The following CFDP1 variants were observed in gnomAD, a reference collection of about 807,000 sequenced individuals.
CFDP1 encodes the protein chromatin remodeling protein CFDP1, also known as heterochromatin-stabilizing protein CFDP1.
Under a neutral mutation model 40.1 loss-of-function variants are expected in CFDP1, and 31 were observed. That is an observed-to-expected ratio of 0.77 (90% CI 0.58 to 1.04). The LOEUF is 1.04. CFDP1 is among the 50% of genes least tolerant of loss of function. The pLI is 0.00. For missense variants in CFDP1, 423 were observed against 343.4 expected, an observed-to-expected ratio of 1.23 and a Z score of -1.83; for synonymous variants, 167 against 120.0, an observed-to-expected ratio of 1.39 and a Z score of -2.56.
At chr16:75,379,327 A>T (rs1282035103) in intron 5 of CFDP1, among the ~76,000 whole-genome samples, 1 of 136,390 alleles carries the variant, frequency 7.3e-6, no homozygotes, top group Non-Finnish European at 1.6e-5. Flanking sequence ...ACGTCTAGCA[A>T]GACTGACCAA....
intron 4 of CFDP1, among the ~76,000 whole-genome samples, chr16:75,404,782 A>T (rs943531926): frequency 1.4e-4 from 21 of 152,318 alleles, no homozygotes; most frequent in Admixed American, 1.4e-3. Flanking sequence ...AGGAGTTTAA[A>T]AAGACCAAAT....
chr16:75,309,351 G>C (rs1279320995), intron 5 of CFDP1, among the ~76,000 whole-genome samples: 1 of 151,362 alleles, frequency 6.6e-6, no homozygotes, highest in Non-Finnish European at 1.5e-5. Flanking sequence ...CTGGGCAGGG[G>C]GCGCTGACCC....
intron 5 of CFDP1, chr16:75,391,238 A>G (rs534883207): frequency 3.5e-4 from 53 of 152,382 alleles, no homozygotes; most frequent in African/African-American, 1.3e-3. Context: ...AACTAGAAGT[A>G]AAAACTGTGT....
chr16:75,371,236 G>A (rs544312730), intron 5 of CFDP1, among the ~76,000 whole-genome samples: 1 of 152,264 alleles, frequency 6.6e-6, no homozygotes, highest in South Asian at 2.1e-4. Flanking sequence ...CCCCTGCCTT[G>A]CCCAGGTTAT....
intron 5 of CFDP1, among the ~76,000 whole-genome samples, chr16:75,319,284 C>G (rs2078346230): frequency 6.6e-6 from 1 of 152,080 alleles, no homozygotes; most frequent in East Asian, 1.9e-4. Context: ...CCTTATAATC[C>G]ACCTACCTCG....
At chr16:75,306,189 A>T (rs961244753) in intron 5 of CFDP1, among the ~76,000 whole-genome samples, 2 of 152,240 alleles carry the variant, frequency 1.3e-5, no homozygotes, top group African/African-American at 4.8e-5. Flanking sequence ...TCTACTGATA[A>T]TAATACCTTT....
intron 5 of CFDP1, among the ~76,000 whole-genome samples, chr16:75,371,488 T>C (rs1255033117): frequency 2.0e-5 from 3 of 152,246 alleles, no homozygotes; most frequent in Non-Finnish European, 4.4e-5. Flanking sequence ...AAAGTTCTTA[T>C]ATATTCAAAT....
At chr16:75,327,326 A>T (rs1194015904) in intron 5 of CFDP1, among the ~76,000 whole-genome samples, 3 of 152,122 alleles carry the variant, frequency 2.0e-5, no homozygotes, top group Non-Finnish European at 2.9e-5. Context: ...GAATCCAAGA[A>T]ACAGAGTTCC....
rs777489391 is a variant in CFDP1, at chr16:75,302,105, ATTAG to A, written c.809+2915_809+2918del. Among the ~76,000 whole-genome samples, 10 of 152,322 alleles carry A rather than the reference ATTAG, an allele frequency of 6.6e-5. No homozygotes were observed. In the East Asian group the frequency reaches 1.7e-3, roughly 26 times the overall value. Reference sequence around the variant, plus strand: ...AAAGCAGAGCATAAAGGAGGATGGTATTAGTTAGTTGTTCCCTAACCCAGTTATG... The same window carrying A: ...AAAGCAGAGCATAAAGGAGGATGGTATTAGTTGTTCCCTAACCCAGTTATG... On this transcript the variant is annotated intron_variant, in intron 6 of 6. Coordinates refer to ENST00000283882, the MANE Select transcript of CFDP1 (RefSeq NM_006324.3).
intron 5 of CFDP1, among the ~76,000 whole-genome samples, chr16:75,313,328 TGA>T (rs2078306403): frequency 1.3e-5 from 2 of 152,264 alleles, no homozygotes; most frequent in East Asian, 1.9e-4. Flanking sequence ...GGTAGGCATG[TGA>T]GAGTTTTTTT....
chr16:75,357,467 C>T (rs1213388692), intron 5 of CFDP1, among the ~76,000 whole-genome samples: 1 of 152,044 alleles, frequency 6.6e-6, no homozygotes, highest in African/African-American at 2.4e-5. Context: ...ATTGGCCAGG[C>T]TGGTCTCGAA....
At chr16:75,391,725 G>A in intron 5 of CFDP1, among the ~76,000 whole-genome samples, 1 of 152,202 alleles carries the variant, frequency 6.6e-6, no homozygotes, top group East Asian at 1.9e-4. Context: ...TGTAATGCCA[G>A]CACTTTGGGA....
intron 5 of CFDP1, among the ~76,000 whole-genome samples, chr16:75,363,271 C>CAA (rs34693612): frequency 2.2e-5 from 3 of 138,402 alleles, no homozygotes; most frequent in East Asian, 2.1e-4. Flanking sequence ...GTCTGAGCAC[C>CAA]AAAAAAAAAA....
chr16:75,296,548 A>T (rs1039842415), intron 6 of CFDP1, among the ~76,000 whole-genome samples: 3 of 152,172 alleles, frequency 2.0e-5, no homozygotes, highest in Non-Finnish European at 4.4e-5. Flanking sequence ...CTTTCCTGTA[A>T]ATAAGAAGTG....
chr16:75,384,132 G>T (rs534105899), intron 5 of CFDP1, among the ~76,000 whole-genome samples: 1 of 152,238 alleles, frequency 6.6e-6, no homozygotes, highest in African/African-American at 2.4e-5. Context: ...TGAGGCTGAG[G>T]TGGGCAGATC....
chr16:75,362,546 C>A (rs2078686755), intron 5 of CFDP1, among the ~76,000 whole-genome samples: 1 of 152,184 alleles, frequency 6.6e-6, no homozygotes, highest in African/African-American at 2.4e-5. Flanking sequence ...AAAATATGCT[C>A]ACCATGGCTC....
chr16:75,370,578 T>C (rs950783792), intron 5 of CFDP1, among the ~76,000 whole-genome samples: 2 of 151,904 alleles, frequency 1.3e-5, no homozygotes, highest in Admixed American at 1.3e-4. Context: ...AATAATAATG[T>C]GTGGCAGGGT....
chr16:75,347,119 G>A (rs1490949073), intron 5 of CFDP1, among the ~76,000 whole-genome samples: 3 of 151,998 alleles, frequency 2.0e-5, no homozygotes, highest in African/African-American at 4.8e-5. Flanking sequence ...GCTGAGGTGG[G>A]TGAATCACGG....
chr16:75,393,264 C>T (rs2078967489), intron 5 of CFDP1, among the ~76,000 whole-genome samples: 1 of 152,198 alleles, frequency 6.6e-6, no homozygotes, highest in Non-Finnish European at 1.5e-5. Flanking sequence ...TCAACCTTTA[C>T]TGGCTTCTTT....
Sources: gnomAD v4.1 joint callset for allele counts (sites outside exome capture counted in the v4.1 genomes callset) on GRCh38, gnomAD v4.1.1 for gene constraint, MANE v1.5 for transcripts, NCBI Gene and HGNC (gene_info 2026-07-23, HGNC 2026-07-21) for gene names.